Variants in ASB5 observed in about 807,000 individuals in gnomAD.
ASB5 encodes the protein ankyrin repeat and SOCS box containing 5.
Under a neutral mutation model 42.1 loss-of-function variants are expected in ASB5, and 45 were observed. The ratio of observed to expected loss-of-function variants is 1.07; its 90% confidence interval spans 0.84 to 1.37. The LOEUF is 1.37. Among genes scored for constraint, ASB5 ranks in the 40% most tolerant of loss-of-function variants. The probability of loss-of-function intolerance (pLI) is 0.00; values close to 1 mark genes in which losing one functional copy is unlikely to be tolerated. For missense variants in ASB5, 402 were observed against 399.8 expected (o/e 1.01, Z -0.05); for synonymous variants, 147 against 150.6 (o/e 0.98, Z 0.18).
At chr4:176,217,801 G>A (rs1753015125) in intron 5 of ASB5, among the ~76,000 whole-genome samples, 1 of 151,836 alleles carries the variant, frequency 6.6e-6, no homozygotes, top group Non-Finnish European at 1.5e-5. Context: ...GTACATAAAC[G>A]GTTACAATAC....
At chr4:176,224,253 G>T (rs10016155) in intron 2 of ASB5, among the ~76,000 whole-genome samples, 6 of 126,274 alleles carry the variant, frequency 4.8e-5, no homozygotes, top group Non-Finnish European at 9.5e-5. Flanking sequence ...TTTTTTGAGA[G>T]GGAGTCTCAC....
intron 1 of ASB5, among the ~76,000 whole-genome samples, chr4:176,244,472 G>C (rs940083459): frequency 6.6e-6 from 1 of 152,140 alleles, no homozygotes; most frequent in Admixed American, 6.5e-5. Context: ...TTTAAATCTG[G>C]AACAGCTGTT....
At position 176,215,521 on chromosome 4, in the gene ASB5, A is replaced by G; in HGVS notation, c.*79T>C. 3.5e-6 allele frequency: 5 copies of G among 1,432,494 alleles called. No homozygotes were observed. Among genetic ancestry groups the G allele is most frequent in the Non-Finnish European group, 3.8e-6 (4 of 1,049,840 alleles). The allele number at this position is 1,432,494 out of a possible 1,614,324, so 88.7% of individuals were successfully genotyped here. ...CACTCACTTTTATCCTATCTTTAGC[A>G]TATTTTTATATGAACTATTCCTTAA... On this transcript the variant is annotated 3_prime_UTR_variant, in exon 7 of 7. Transcript: ENST00000296525.
intron 5 of ASB5, among the ~76,000 whole-genome samples, chr4:176,219,262 A>AAT (rs1258503865): frequency 1.2e-4 from 13 of 108,134 alleles, no homozygotes; most frequent in African/African-American, 3.4e-4. Flanking sequence ...ATGATATATA[A>AAT]ATATATATTT....
intron 1 of ASB5, among the ~76,000 whole-genome samples, chr4:176,254,325 T>C (rs530386171): frequency 6.6e-6 from 1 of 152,248 alleles, no homozygotes. Flanking sequence ...GACTCCCCAT[T>C]CAATAAATGA....
intron 5 of ASB5, 100 bp downstream of exon 5, chr4:176,221,055 T>A: frequency 7.3e-7 from 1 of 1,362,798 alleles, no homozygotes; most frequent in Non-Finnish European, 9.7e-7. Flanking sequence ...ATAAGAACAT[T>A]TTTTAGCAAT....
intron 1 of ASB5, among the ~76,000 whole-genome samples, chr4:176,259,033 G>A (rs187725007): frequency 1.4e-3 from 207 of 152,150 alleles, no homozygotes; most frequent in African/African-American, 4.9e-3. Context: ...TAAGTAGCCA[G>A]AAAACTTAGC....
intron 5 of ASB5, among the ~76,000 whole-genome samples, chr4:176,218,280 TATATATATATTTGTATGATATATAA>T (rs1187559424): frequency 1.0e-4 from 9 of 85,736 alleles, no homozygotes; most frequent in Non-Finnish European, 8.6e-5. Context: ...GATATATAAA[TATATATATATTTGTATGATATATAA>T]ATATATATAT....
At chr4:176,246,660 A>T (rs889206000) in intron 1 of ASB5, among the ~76,000 whole-genome samples, 96 of 152,272 alleles carry the variant, frequency 6.3e-4, no homozygotes, top group African/African-American at 2.2e-3. Flanking sequence ...CTAGATGTGT[A>T]CACAGCTCAA....
rs141735043 is a variant in ASB5 at position 176,252,276 on chromosome 4, CTTG to C, written c.196+16634_196+16636del. On this transcript the variant is annotated intron_variant, in intron 1 of 6. Transcript: ENST00000296525. ...GGACAGTATTGATTTTCTGTCTTCA[CTTG>C]TTGTTTGAAAATTAACTTCCAGAAT... 4.1e-3 allele frequency among the ~76,000 whole-genome samples: 631 copies of C among 152,246 alleles called. 4 individuals are homozygous for C. The highest frequency in any genetic ancestry group is 0.015 in the African/African-American group (606 of 41,554).
At position 176,221,551 on chromosome 4, in the gene ASB5, G is replaced by A. The variant is rs143450675; in HGVS notation, c.434C>T (p.Ser145Phe). 4.2e-4 allele frequency: 673 copies of A among 1,613,930 alleles called. 1 individual carries two copies. Among genetic ancestry groups the A allele is most frequent in the Admixed American group, 1.1e-3 (64 of 60,000 alleles). Residue 145 changes from serine (S) to phenylalanine (F), a missense_variant, in exon 4 of 7, where the codon TCC becomes TTC. Ser to Phe is a radical substitution (Grantham distance 155). Coordinates refer to ENST00000296525, the MANE Select transcript of ASB5 (RefSeq NM_080874.4). ...DGVTPLFNAC[S>F]QGSPSCAELL... ...CTCTGCACAGCTTGGACTGCCTTGGGAGCATGCGTTGAATAACGGAGTCAC... is the reference window on the plus strand; with the variant it reads ...CTCTGCACAGCTTGGACTGCCTTGGAAGCATGCGTTGAATAACGGAGTCAC...
In ASB5 at chr4:176,222,175, A is replaced by G. The variant is rs373415712; in HGVS notation, c.384+138T>C. On this transcript the variant is annotated intron_variant, in intron 3 of 6. Transcript: ENST00000296525. ...TTTTTAGAGTGCAATAAGAAGACTA[A>G]GGAATTCAAGAGCTTTATTTTTATT... The G allele has an allele frequency of 3.6e-5, 27 of 745,722 alleles. 2 individuals are homozygous for G. The highest frequency in any genetic ancestry group is 3.6e-4 in the African/African-American group (20 of 56,332). The allele number at this position is 745,722 out of a possible 1,614,324, so 46.2% of individuals were successfully genotyped here.
At chr4:176,244,594 C>T (rs1267131651) in intron 1 of ASB5, among the ~76,000 whole-genome samples, 1 of 152,104 alleles carries the variant, frequency 6.6e-6, no homozygotes, top group Non-Finnish European at 1.5e-5. Context: ...AATAGCCAAA[C>T]TGTAAACAGT....
Position 176,264,763 on chromosome 4 carries a change from G to C in ASB5, c.196+4150C>G, listed in dbSNP as rs542590949. On this transcript the variant is annotated intron_variant, in intron 1 of 6. Transcript: ENST00000296525. ...TTAATATCTAACTCTGGGAGAAAAA[G>C]CTATGTTAAAATGAAAAAAGTAATA... Among the ~76,000 whole-genome samples the C allele has an allele frequency of 4.6e-5, 7 of 152,014 alleles. No homozygotes were observed. The South Asian group carries it at 1.5e-3, about 32-fold the overall frequency.
intron 1 of ASB5, among the ~76,000 whole-genome samples, chr4:176,258,638 T>C (rs1240212469): frequency 6.6e-6 from 1 of 152,168 alleles, no homozygotes; most frequent in African/African-American, 2.4e-5. Flanking sequence ...GAGCCTTAGG[T>C]TAATTATAAA....
At chr4:176,247,883 T>G (rs949015581) in intron 1 of ASB5, among the ~76,000 whole-genome samples, 1 of 152,194 alleles carries the variant, frequency 6.6e-6, no homozygotes, top group African/African-American at 2.4e-5. Context: ...TATTTGTAAA[T>G]AGTTCTTCTA....
At chr4:176,252,873 C>T (rs188208124) in intron 1 of ASB5, among the ~76,000 whole-genome samples, 2 of 152,160 alleles carry the variant, frequency 1.3e-5, no homozygotes, top group Admixed American at 6.5e-5. Flanking sequence ...AGTTTAAAGC[C>T]TTTTTTCTTC....
At chr4:176,243,850 C>T (rs184966055) in intron 1 of ASB5, among the ~76,000 whole-genome samples, 12 of 152,214 alleles carry the variant, frequency 7.9e-5, no homozygotes, top group Admixed American at 2.0e-4. Context: ...ATAGCAACAG[C>T]GCTTTAAGTT....
chr4:176,241,392 A>G, intron 1 of ASB5: 1 of 1,275,326 alleles, frequency 7.8e-7, no homozygotes, highest in Non-Finnish European at 1.1e-6. Context: ...AATTACTATT[A>G]AGGGCTCACT....
Sources: allele counts gnomAD v4.1 joint callset (sites outside exome capture counted in the v4.1 genomes callset), GRCh38; gene constraint gnomAD v4.1.1; transcripts MANE v1.5; gene names NCBI Gene and HGNC (gene_info 2026-07-23, HGNC 2026-07-21).